The following TUSC3 variants were observed in gnomAD, a reference collection of about 807,000 sequenced individuals.
TUSC3 encodes tumor suppressor candidate 3.
TUSC3 carries 45 observed loss-of-function variants against 44.8 expected under a neutral mutation model. That is an observed-to-expected ratio of 1.00 (90% CI 0.79 to 1.29). TUSC3 has a LOEUF of 1.29. TUSC3 is among the 50% of genes most tolerant of loss of function. The pLI is 0.00. For missense variants in TUSC3, 519 were observed against 437.9 expected (o/e 1.19, Z -1.65); for synonymous variants, 212 against 152.9 (o/e 1.39, Z -2.85).
At chr8:15,418,653 C>G (rs908869904) in intron 1 of TUSC3, among the ~76,000 whole-genome samples, 3 of 152,130 alleles carry the variant, frequency 2.0e-5, no homozygotes, top group African/African-American at 7.2e-5. Flanking sequence ...TTGAAGTCAA[C>G]AAGGTTAAGA....
At chr8:15,477,653 C>A (rs1390154282) in intron 1 of TUSC3, among the ~76,000 whole-genome samples, 2 of 152,022 alleles carry the variant, frequency 1.3e-5, no homozygotes, top group African/African-American at 4.8e-5. Context: ...ACCAGGGAGG[C>A]AGAGCTTTCA....
At chr8:15,817,177 G>T in the TUSC3 span, among the ~76,000 whole-genome samples, 1 of 152,122 alleles carries the variant, frequency 6.6e-6, no homozygotes, top group East Asian at 1.9e-4. Flanking sequence ...ACTCAGGTAG[G>T]TTTTTCTCTG....
Position 15,764,273 on chromosome 8 carries a change from G to A in TUSC3, c.*117G>A. ...TTTACCATGAAGATAAACTGTTCCT[G>A]ACTTTATACTATTTTGAATTCATTC... On this transcript the variant is annotated 3_prime_UTR_variant, in exon 11 of 11. Transcript: ENST00000503731. 1 of 1,559,178 alleles carries A rather than the reference G, an allele frequency of 6.4e-7. No homozygotes were observed. The highest frequency in any genetic ancestry group is 1.4e-5 in the African/African-American group (1 of 73,618).
intron 6 of TUSC3, among the ~76,000 whole-genome samples, chr8:15,691,887 T>C (rs553894927): frequency 2.6e-5 from 4 of 152,272 alleles, no homozygotes; most frequent in Admixed American, 1.3e-4. Flanking sequence ...CAAACAATTC[T>C]CTTGCCTCAG....
At chr8:15,431,495 A>C (rs1463136626) in intron 1 of TUSC3, among the ~76,000 whole-genome samples, 1 of 151,834 alleles carries the variant, frequency 6.6e-6, no homozygotes. Context: ...TAGTGTATAG[A>C]AACACATCTG....
chr8:15,464,835 T>G (rs1206052500), intron 1 of TUSC3, among the ~76,000 whole-genome samples: 1 of 152,144 alleles, frequency 6.6e-6, no homozygotes, highest in Non-Finnish European at 1.5e-5. Flanking sequence ...GACTGATAAC[T>G]TCTTGGAATC....
At chr8:15,596,838 A>G (rs1018408362) in intron 1 of TUSC3, among the ~76,000 whole-genome samples, 1 of 152,142 alleles carries the variant, frequency 6.6e-6, no homozygotes, top group Non-Finnish European at 1.5e-5. Context: ...TTTATGAAAT[A>G]TAAATGTTCT....
intron 3 of TUSC3, among the ~76,000 whole-genome samples, chr8:15,656,798 G>T (rs1490488006): frequency 6.6e-6 from 1 of 152,204 alleles, no homozygotes; most frequent in Non-Finnish European, 1.5e-5. Context: ...GGACTCTTGG[G>T]CTCTCCACAA....
At chr8:15,580,565 C>T (rs1362414231) in intron 1 of TUSC3, among the ~76,000 whole-genome samples, 9 of 92,300 alleles carry the variant, frequency 9.8e-5, no homozygotes, top group African/African-American at 3.1e-4. Flanking sequence ...TTTATTTCTC[C>T]TTCACTTATG....
At chr8:15,603,881 C>G (rs140925967) in intron 1 of TUSC3, among the ~76,000 whole-genome samples, 213 of 151,488 alleles carry the variant, frequency 1.4e-3, no homozygotes, top group African/African-American at 4.2e-3. Context: ...TTATCACCTC[C>G]TTGAGTTAGA....
chr8:15,655,735 C>G (rs573356065), intron 3 of TUSC3, among the ~76,000 whole-genome samples: 4 of 152,312 alleles, frequency 2.6e-5, no homozygotes, highest in African/African-American at 9.6e-5. Context: ...GGATTCACCA[C>G]TGCTAACACT....
At chr8:15,477,728 A>AAAT (rs942191272) in intron 1 of TUSC3, among the ~76,000 whole-genome samples, 1 of 152,102 alleles carries the variant, frequency 6.6e-6, no homozygotes, top group Admixed American at 6.5e-5. Context: ...CTCAAAAAAC[A>AAAT]AATAATAATA....
the TUSC3 span, among the ~76,000 whole-genome samples, chr8:15,821,508 C>G: frequency 6.6e-6 from 1 of 151,770 alleles, no homozygotes; most frequent in Admixed American, 6.6e-5. Flanking sequence ...GATTCCTACA[C>G]AGAATTAAGC....
chr8:15,775,791 A>G, the TUSC3 span, among the ~76,000 whole-genome samples: 1 of 148,130 alleles, frequency 6.8e-6, no homozygotes, highest in Non-Finnish European at 1.5e-5. Flanking sequence ...CCGTAATAAA[A>G]AGGCACCATT....
At chr8:15,730,111 G>A (rs540156179) in intron 6 of TUSC3, among the ~76,000 whole-genome samples, 3 of 152,110 alleles carry the variant, frequency 2.0e-5, no homozygotes, top group Admixed American at 1.3e-4. Context: ...TAATCTAGAT[G>A]GAGATTTGTG....
intron 2 of TUSC3, among the ~76,000 whole-genome samples, chr8:15,643,410 G>GTT (rs10662497): frequency 0.16 from 22,769 of 144,610 alleles, 1,730 homozygotes; most frequent in South Asian, 0.28. Flanking sequence ...ACTGTTAGTT[G>GTT]TTTTTTTTTT....
intron 2 of TUSC3, among the ~76,000 whole-genome samples, chr8:15,639,426 C>T (rs997180289): frequency 6.6e-6 from 1 of 152,122 alleles, no homozygotes; most frequent in East Asian, 1.9e-4. Flanking sequence ...TGAAAAGTTT[C>T]TTGATAGACA....
At chr8:15,435,363 C>G (rs1335160490) in intron 1 of TUSC3, among the ~76,000 whole-genome samples, 1 of 152,098 alleles carries the variant, frequency 6.6e-6, no homozygotes, top group Admixed American at 6.5e-5. Flanking sequence ...ACAGACACTT[C>G]TCAAAACTCA....
At chr8:15,599,542 A>T (rs1222467261) in intron 1 of TUSC3, among the ~76,000 whole-genome samples, 1 of 151,636 alleles carries the variant, frequency 6.6e-6, no homozygotes. Context: ...ATGCTCTCTT[A>T]TAGTAGTTTT....
Sources: gnomAD v4.1 joint callset for allele counts (sites outside exome capture counted in the v4.1 genomes callset) on GRCh38, gnomAD v4.1.1 for gene constraint, MANE v1.5 for transcripts, NCBI Gene and HGNC (gene_info 2026-07-23, HGNC 2026-07-21) for gene names.